TPO: variants seen among roughly 807,000 people sequenced by gnomAD.
TPO encodes thyroid peroxidase.
Under a neutral mutation model 96.9 loss-of-function variants are expected in TPO, and 78 were observed. The observed-to-expected ratio is 0.81, with a 90% confidence interval of 0.67 to 0.97. The LOEUF (loss-of-function observed/expected upper bound fraction) is 0.97, where lower values mean the gene tolerates loss of function less well. Ranked by LOEUF, TPO falls within the 50% of genes least tolerant of loss-of-function variation. The pLI, the probability that TPO is intolerant of heterozygous loss-of-function variation, is 0.00. For synonymous variants in TPO, 547 were observed against 538.0 expected (o/e 1.02, Z -0.23); for missense variants, 1,252 against 1,274.8 (o/e 0.98, Z 0.27).
At chr2:1,459,076 A>T (rs1478327278) in intron 7 of TPO, among the ~76,000 whole-genome samples, 1 of 152,170 alleles carries the variant, frequency 6.6e-6, no homozygotes, top group Non-Finnish European at 1.5e-5. Flanking sequence ...CTCTTACCAG[A>T]AAAGAAAGAG....
intron 11 of TPO, 61 bp downstream of exon 11, chr2:1,494,100 G>C: frequency 6.5e-7 from 1 of 1,540,474 alleles, no homozygotes; most frequent in Non-Finnish European, 9.0e-7. Context: ...GGTCTGCGTT[G>C]GTTCTGAAGC....
At chr2:1,477,656 C>T in intron 8 of TPO, 52 bp downstream of exon 8, 5 of 1,436,320 alleles carry the variant, frequency 3.5e-6, no homozygotes, top group East Asian at 2.7e-5. Flanking sequence ...AAGCGGGGGG[C>T]GCCTCGTGTG....
At chr2:1,448,654 C>G (rs529332000) in intron 5 of TPO, among the ~76,000 whole-genome samples, 43 of 152,170 alleles carry the variant, frequency 2.8e-4, no homozygotes, top group Admixed American at 4.6e-4. Context: ...ATAAACAGCC[C>G]AGTGTGTTTT....
intron 15 of TPO, among the ~76,000 whole-genome samples, chr2:1,522,877 C>G (rs1405819468): frequency 1.0e-5 from 1 of 96,858 alleles, no homozygotes; most frequent in Non-Finnish European, 2.2e-5. Flanking sequence ...AATCCCACCA[C>G]TGTGTGAAAC....
intron 5 of TPO, among the ~76,000 whole-genome samples, chr2:1,448,250 G>A (rs1666996556): frequency 6.6e-6 from 1 of 152,232 alleles, no homozygotes; most frequent in African/African-American, 2.4e-5. Flanking sequence ...TCGCGTGGGA[G>A]CCGAGCCTGT....
chr2:1,428,754 A>G (rs186012165), intron 3 of TPO, among the ~76,000 whole-genome samples: 28 of 152,296 alleles, frequency 1.8e-4, no homozygotes, highest in East Asian at 1.5e-3. Flanking sequence ...TGTCTTGCTC[A>G]GATAGATTTT....
At chr2:1,382,678 C>T (rs145147609) in intron 1 of TPO, among the ~76,000 whole-genome samples, 277 of 152,122 alleles carry the variant, frequency 1.8e-3, no homozygotes, top group African/African-American at 6.3e-3. Flanking sequence ...CCAGGAAGAC[C>T]TGGACTACAT....
At chr2:1,510,124 C>T (rs927945524) in intron 14 of TPO, among the ~76,000 whole-genome samples, 10 of 152,238 alleles carry the variant, frequency 6.6e-5, no homozygotes, top group African/African-American at 2.4e-4. Context: ...CCAGAGCACT[C>T]TCAATCATGG....
intron 1 of TPO, among the ~76,000 whole-genome samples, chr2:1,400,456 G>T (rs915895206): frequency 3.3e-5 from 5 of 150,938 alleles, no homozygotes; most frequent in Non-Finnish European, 7.4e-5. Flanking sequence ...TCACACCATT[G>T]TACTTCAGTC....
At chr2:1,513,815 GTATA>G (rs1674409419) in intron 14 of TPO, among the ~76,000 whole-genome samples, 1 of 152,046 alleles carries the variant, frequency 6.6e-6, no homozygotes. Flanking sequence ...CTGATTGTGG[GTATA>G]TATAGTTTTA....
intron 15 of TPO, among the ~76,000 whole-genome samples, chr2:1,532,704 A>T (rs1678598841): frequency 5.7e-3 from 1 of 176 alleles, no homozygotes; most frequent in African/African-American, 0.042. Flanking sequence ...AACCTCCCCA[A>T]ATCCCCCACT....
intron 1 of TPO, among the ~76,000 whole-genome samples, chr2:1,390,294 T>G (rs768151602): frequency 6.6e-6 from 1 of 152,182 alleles, no homozygotes; most frequent in Non-Finnish European, 1.5e-5. Flanking sequence ...TTGTATAGTT[T>G]GCTGAGAATG....
At chr2:1,435,015 G>C (rs1265814944) in intron 4 of TPO, among the ~76,000 whole-genome samples, 1 of 152,026 alleles carries the variant, frequency 6.6e-6, no homozygotes, top group Non-Finnish European at 1.5e-5. Flanking sequence ...CTCACTGCAA[G>C]CTCCGCCTCC....
chr2:1,496,055 G>A lies in TPO; in HGVS notation c.2073G>A (p.Leu691=). 1 of 1,613,994 alleles carries A rather than the reference G, an allele frequency of 6.2e-7. No homozygotes were observed. Among genetic ancestry groups the A allele is most frequent in the Non-Finnish European group, 8.5e-7 (1 of 1,180,028 alleles). ...GGCGTGAGCTGGAGAAGCACTCCCT[G>A]TCTCGGGTCATCTGTGACAACACTG... ...AQRRELEKHS[L]SRVICDNTGL... is the part of the protein sequence containing the mutation. The change falls in exon 12 of 17, where the codon CTG becomes CTA. Residue 691 remains leucine (L), a synonymous_variant. Transcript: ENST00000329066.
At chr2:1,380,555 G>A (rs1661795331) in intron 1 of TPO, among the ~76,000 whole-genome samples, 1 of 152,074 alleles carries the variant, frequency 6.6e-6, no homozygotes, top group African/African-American at 2.4e-5. Flanking sequence ...GGAAACTCAT[G>A]ATGAAAAGAA....
intron 3 of TPO, among the ~76,000 whole-genome samples, chr2:1,424,888 AGT>A (rs1278027466): frequency 0.14 from 17,129 of 125,346 alleles, 3 homozygotes; most frequent in Middle Eastern, 0.17. Flanking sequence ...CCTTCTGTAA[AGT>A]CATTTTTCTA....
In TPO at chr2:1,487,950, C is replaced by A. The variant is rs764548001; in HGVS notation, c.1727C>A (p.Ala576Glu). ...VLSNSSTLDLASINLQRGRDH... is the reference protein window; with the variant it reads ...VLSNSSTLDLESINLQRGRDH... ...TCCAATTCCAGCACCTTGGATCTGG[C>A]GTCCATCAACCTGCAGAGGGGCCGG... Residue 576 changes from alanine (A) to glutamate (E), a missense_variant, in exon 10 of 17, where the codon GCG (alanine) becomes GAG (glutamate). Ala to Glu is a moderately radical substitution (Grantham distance 107). Transcript: ENST00000329066. 6.2e-7 allele frequency: 1 copy of A among 1,613,976 alleles called. No homozygotes were observed. Among genetic ancestry groups the A allele is most frequent in the Admixed American group, 1.7e-5 (1 of 60,018 alleles).
At chr2:1,496,257 T>C in intron 12 of TPO, 60 bp downstream of exon 12, 3 of 1,569,654 alleles carry the variant, frequency 1.9e-6, no homozygotes, top group Non-Finnish European at 2.6e-6. Flanking sequence ...AAACAAAGCT[T>C]ATCTTCCCCA....
At chr2:1,514,555 G>T (rs2125064840) in intron 14 of TPO, among the ~76,000 whole-genome samples, 1 of 152,206 alleles carries the variant, frequency 6.6e-6, no homozygotes, top group African/African-American at 2.4e-5. Context: ...CACCAGAGGG[G>T]CACCCACGCC....
Sources: allele counts gnomAD v4.1 joint callset (sites outside exome capture counted in the v4.1 genomes callset), GRCh38; gene constraint gnomAD v4.1.1; transcripts MANE v1.5; gene names NCBI Gene and HGNC (gene_info 2026-07-23, HGNC 2026-07-21).